ZNF605: variants seen among roughly 807,000 people sequenced by gnomAD.
ZNF605 encodes the protein zinc finger protein 605.
Under a neutral mutation model 7.9 loss-of-function variants are expected in ZNF605, and 9 were observed. The ratio of observed to expected loss-of-function variants is 1.14; its 90% CI spans 0.68 to 1.98. ZNF605 has a LOEUF of 1.98. Among genes scored for constraint, ZNF605 ranks in the 30% most tolerant of loss-of-function variants. The probability of loss-of-function intolerance (pLI) is 0.00; values close to 1 mark genes in which losing one functional copy is unlikely to be tolerated. For synonymous variants in ZNF605, 255 were observed against 260.1 expected (o/e 0.98, Z 0.19); for missense variants, 673 against 762.4 (o/e 0.88, Z 1.38).
Position 132,926,944 on chromosome 12 carries a change from T to C in ZNF605, c.355A>G (p.Lys119Glu). ...AATTTCTTATTGAGTTCATCAATTTTCTTTCTTTCACAATTATTTTTTGGA... is the reference window on the plus strand; with the variant it reads ...AATTTCTTATTGAGTTCATCAATTTCCTTTCTTTCACAATTATTTTTTGGA... The part of the protein sequence containing the change: ...LIPKNNCERK[K>E]IDELNKKLLF... Residue 119 changes from lysine (K) to glutamate (E), a missense_variant, in exon 5 of 5, where the codon AAA (lysine) becomes GAA (glutamate). By Grantham distance (56) the Lys-to-Glu change is moderately conservative. Transcript: ENST00000360187. 6.2e-7 allele frequency: 1 copy of C among 1,610,872 alleles called. No homozygotes were observed. The highest frequency in any genetic ancestry group is 1.1e-5 in the South Asian group (1 of 90,170).
intron 3 of ZNF605, among the ~76,000 whole-genome samples, chr12:132,934,705 A>C (rs1952345062): frequency 1.2e-5 from 1 of 86,660 alleles, no homozygotes; most frequent in African/African-American, 4.4e-5. Flanking sequence ...ATTCCGTCTA[A>C]AAAAAAAAAA....
chr12:132,948,933 A>G (rs1952526582), intron 1 of ZNF605, among the ~76,000 whole-genome samples: 1 of 152,048 alleles, frequency 6.6e-6, no homozygotes, highest in Non-Finnish European at 1.5e-5. Flanking sequence ...GCACCTGCGG[A>G]AGCAGACATC....
rs937365117 is a variant in ZNF605, at chr12:132,923,358, C to G, written c.*2015G>C. 1 of 152,172 alleles carries G rather than the reference C, an allele frequency of 6.6e-6. No individual in the cohort carries two copies. The highest frequency in any genetic ancestry group is 1.5e-5 in the Non-Finnish European group (1 of 68,036). 9.4% of individuals were successfully genotyped at this position (152,172 alleles called of 1,614,324 possible). ...TGCCCTCAAACATCCTTTAATGTTT[C>G]CCAAAGACAGGTCTACAGGTAATAA... is the stretch of plus-strand genomic sequence containing the variant. On this transcript the variant is annotated 3_prime_UTR_variant, in exon 5 of 5. Transcript: ENST00000360187.
Position 132,926,872 on chromosome 12 carries a change from A to G in ZNF605, c.427T>C (p.Cys143Arg). 5.6e-6 allele frequency: 9 copies of G among 1,614,238 alleles called. No homozygotes were observed. The highest frequency in any genetic ancestry group is 7.6e-6 in the Non-Finnish European group (9 of 1,180,042). ...PGRTHGGIKY[C>R]DCSTCRKSSN... ...GATTTTCTACATGTACTGCAATCAC[A>G]GTATTTTATCCCACCATGGGTTCTG... Residue 143 changes from cysteine to arginine, a missense_variant, in exon 5 of 5, where the codon TGT becomes CGT. By Grantham distance (180) the Cys-to-Arg change is radical. Coordinates refer to ENST00000360187, the MANE Select transcript of ZNF605 (RefSeq NM_183238.4).
intron 2 of ZNF605, among the ~76,000 whole-genome samples, chr12:132,947,603 G>T (rs2137158671): frequency 1.3e-5 from 2 of 152,290 alleles, no homozygotes; most frequent in East Asian, 3.9e-4. Context: ...GTGAGCCATT[G>T]TGTCTGGCCT....
At chr12:132,952,582 G>A (rs1004756261) in intron 1 of ZNF605, among the ~76,000 whole-genome samples, 10 of 151,766 alleles carry the variant, frequency 6.6e-5, no homozygotes, top group Middle Eastern at 3.4e-3. Flanking sequence ...GGAGCAGTCC[G>A]CCACGGAAGG....
chr12:132,944,409 G>T (rs987500193), intron 3 of ZNF605, among the ~76,000 whole-genome samples: 1 of 152,194 alleles, frequency 6.6e-6, no homozygotes, highest in Non-Finnish European at 1.5e-5. Flanking sequence ...GGACACCACA[G>T]TCTGTTTCTT....
rs1952205885 is a variant in ZNF605 at position 132,921,614 on chromosome 12, A to G, written c.*3759T>C. ...ATTCCTAAAAGATCAGAGCAGAGTG[A>G]TACACAAGTTTATTAACACAGACTA... On this transcript the variant is annotated 3_prime_UTR_variant, in exon 5 of 5. Coordinates refer to ENST00000360187, the MANE Select transcript of ZNF605 (RefSeq NM_183238.4). The G allele has an allele frequency of 6.6e-6, 1 of 152,258 alleles. No homozygotes were observed. The highest frequency in any genetic ancestry group is 6.5e-5 in the Admixed American group (1 of 15,282). 9.4% of individuals were successfully genotyped at this position (152,258 alleles called of 1,614,324 possible). A position where few individuals can be genotyped will look rare whatever the true frequency, so the allele number is the denominator to read the frequency against.
At position 132,953,713 on chromosome 12, in the gene ZNF605, C is replaced by T. The variant is rs376836322; in HGVS notation, c.-286+2530G>A. On this transcript the variant is annotated intron_variant, in intron 1 of 4. Transcript: ENST00000360187. ...GTGCTGGGATTACAGGTGTGAGCCA[C>T]GGTGCCCAGCTAAGGCCACTAACTT... Among the ~76,000 whole-genome samples the T allele has an allele frequency of 7.0e-4, 106 of 152,176 alleles. No individual in the cohort carries two copies. In the South Asian group the frequency reaches 0.017, roughly 25 times the overall value.
intron 1 of ZNF605, among the ~76,000 whole-genome samples, chr12:132,949,093 A>G (rs1265513831): frequency 2.2e-5 from 1 of 45,502 alleles, no homozygotes; most frequent in Non-Finnish European, 6.1e-5. Flanking sequence ...GAAAGCCACA[A>G]GAGGCCTCTG....
rs529288991 is a variant in ZNF605, at chr12:132,920,296, C to T, written c.*5077G>A. The T allele has an allele frequency of 6.6e-6, 1 of 152,348 alleles. No homozygotes were observed. Among genetic ancestry groups the T allele is most frequent in the African/African-American group, 2.4e-5 (1 of 41,546 alleles). 9.4% of individuals were successfully genotyped at this position (152,348 alleles called of 1,614,324 possible). Reference sequence around the variant, plus strand: ...CTGGGACTACAGGCGCTGGCCACCTCACCTGGCTAATTTTTTGTATTTTTA... The same window carrying T: ...CTGGGACTACAGGCGCTGGCCACCTTACCTGGCTAATTTTTTGTATTTTTA... On this transcript the variant is annotated 3_prime_UTR_variant, in exon 5 of 5. Coordinates refer to ENST00000360187, the MANE Select transcript of ZNF605 (RefSeq NM_183238.4).
At chr12:132,944,848 TCTG>T (rs1255471302) in intron 3 of ZNF605, 2 of 153,686 alleles carry the variant, frequency 1.3e-5, no homozygotes, top group Non-Finnish European at 2.9e-5. Context: ...GAGTAATTTG[TCTG>T]CTTTTTCCTT....
At position 132,941,247 on chromosome 12, in the gene ZNF605, C is replaced by T. The variant is rs369036255; in HGVS notation, c.15+4374G>A. ...GCAGACATGGCCTAGACCGAGCCTCCGCGTGTGCTGCTTCTGCTCTCAGAA... is the reference window on the plus strand; with the variant it reads ...GCAGACATGGCCTAGACCGAGCCTCTGCGTGTGCTGCTTCTGCTCTCAGAA... On this transcript the variant is annotated intron_variant, in intron 3 of 4. Transcript: ENST00000360187. This position sits in a 1 kb window ranked among gnomAD's most constrained non-coding sequence, Gnocchi z 5.1. 1.3e-3 allele frequency among the ~76,000 whole-genome samples: 203 copies of T among 152,204 alleles called. No homozygotes were observed. Among genetic ancestry groups the T allele is most frequent in the African/African-American group, 4.3e-3 (178 of 41,542 alleles).
intron 3 of ZNF605, among the ~76,000 whole-genome samples, chr12:132,942,190 G>A (rs1952449853): frequency 6.6e-6 from 1 of 152,150 alleles, no homozygotes; most frequent in Non-Finnish European, 1.5e-5. Flanking sequence ...ACTGGCATCT[G>A]GGAGGCTCAG....
At chr12:132,932,559 T>C (rs1226895369) in intron 4 of ZNF605, among the ~76,000 whole-genome samples, 2 of 152,106 alleles carry the variant, frequency 1.3e-5, no homozygotes, top group African/African-American at 4.8e-5. Flanking sequence ...ATGGAGCACA[T>C]CCATTAAAAC....
Position 132,925,668 on chromosome 12 carries a change from T to C in ZNF605, c.1631A>G (p.Gln544Arg). The C allele has an allele frequency of 1.9e-6, 3 of 1,614,218 alleles. No homozygotes were observed. The highest frequency in any genetic ancestry group is 1.3e-5 in the African/African-American group (1 of 75,064). The change falls in exon 5 of 5, where the codon CAG becomes CGG. Residue 544 changes from glutamine to arginine, a missense_variant. Transcript: ENST00000360187. Reference sequence around the variant, plus strand: ...TTGATGCTTAATGAGCTGCACTTTCTGAACAAATGCTTTCCCACATTCACT... The same window carrying C: ...TTGATGCTTAATGAGCTGCACTTTCCGAACAAATGCTTTCCCACATTCACT... ...ECSECGKAFV[Q>R]KVQLIKHQRN...
At chr12:132,936,763 T>C (rs952674280) in intron 3 of ZNF605, among the ~76,000 whole-genome samples, 9 of 149,926 alleles carry the variant, frequency 6.0e-5, no homozygotes, top group Middle Eastern at 3.2e-3. Context: ...TATAAAACTT[T>C]TAGAAGAAAA....
intron 3 of ZNF605, among the ~76,000 whole-genome samples, chr12:132,934,135 T>TG (rs1952335027): frequency 6.6e-6 from 1 of 151,444 alleles, no homozygotes; most frequent in Non-Finnish European, 1.5e-5. Context: ...ACAAATTAGC[T>TG]GGGGGTGGTG....
In ZNF605 at chr12:132,919,582, G is replaced by A. The variant is rs1952185387; in HGVS notation, c.*5791C>T. 2.0e-5 allele frequency: 3 copies of A among 151,226 alleles called. No individual in the cohort carries two copies. The highest frequency in any genetic ancestry group is 2.0e-4 in the Admixed American group (3 of 15,150). The allele number at this position is 151,226 out of a possible 1,614,324, so 9.4% of individuals were successfully genotyped here. ...TTTTTTGTATTTTTAGTAGAGACGG[G>A]GTTTCACCTTGTTAGCCAGGATGGT... On this transcript the variant is annotated 3_prime_UTR_variant, in exon 5 of 5. Transcript: ENST00000360187.
Sources: allele counts gnomAD v4.1 joint callset (sites outside exome capture counted in the v4.1 genomes callset), GRCh38; gene constraint gnomAD v4.1.1; non-coding constraint Gnocchi (gnomAD v3.1); transcripts MANE v1.5; gene names NCBI Gene and HGNC (gene_info 2026-07-23, HGNC 2026-07-21).